The following WWOX variants were observed in gnomAD, a reference collection of about 807,000 sequenced individuals.
The protein encoded by WWOX is WW domain-containing oxidoreductase.
Under a neutral mutation model 46.2 loss-of-function variants are expected in WWOX, and 69 were observed. That is an observed-to-expected ratio of 1.49 (90% confidence interval 1.23 to 1.82). The LOEUF is 1.82. Among genes scored for constraint, WWOX ranks in the 40% most tolerant of loss-of-function variants. The pLI is 0.00. For missense variants in WWOX, 919 were observed against 542.6 expected, an observed-to-expected ratio of 1.69 and a Z score of -6.89; for synonymous variants, 359 against 202.6, an observed-to-expected ratio of 1.77 and a Z score of -6.56.
At chr16:78,368,681 C>T (rs374051694) in intron 5 of WWOX, among the ~76,000 whole-genome samples, 53 of 152,104 alleles carry the variant, frequency 3.5e-4, no homozygotes, top group African/African-American at 1.2e-3. Flanking sequence ...AAGGTGGTGT[C>T]CCCTCCCTTC....
intron 8 of WWOX, among the ~76,000 whole-genome samples, chr16:78,863,555 G>A (rs2043938860): frequency 6.6e-6 from 1 of 152,120 alleles, no homozygotes; most frequent in Admixed American, 6.6e-5. Context: ...TGATCTTTCG[G>A]CATTGTGGCT....
chr16:78,476,032 C>T (rs1026518707), intron 8 of WWOX, among the ~76,000 whole-genome samples: 2 of 152,158 alleles, frequency 1.3e-5, no homozygotes, highest in African/African-American at 4.8e-5. Context: ...CTCATGCTTC[C>T]TCTGTAAAAT....
chr16:78,725,822 T>A (rs1441701550), intron 8 of WWOX, among the ~76,000 whole-genome samples: 1 of 152,094 alleles, frequency 6.6e-6, no homozygotes, highest in Non-Finnish European at 1.5e-5. Context: ...CGGGCGGTGC[T>A]TGGTGTTCCT....
intron 8 of WWOX, among the ~76,000 whole-genome samples, chr16:78,438,796 G>A (rs1043699649): frequency 6.6e-6 from 1 of 152,140 alleles, no homozygotes; most frequent in African/African-American, 2.4e-5. Context: ...GAGTTTTAAC[G>A]GATGTGCAGC....
At chr16:78,906,346 C>T (rs1054338223) in intron 8 of WWOX, among the ~76,000 whole-genome samples, 10 of 152,124 alleles carry the variant, frequency 6.6e-5, no homozygotes, top group African/African-American at 2.2e-4. Context: ...AAAGAAAGCC[C>T]GGCTGGAAGT....
chr16:78,926,546 C>A (rs962934223), intron 8 of WWOX, among the ~76,000 whole-genome samples: 2 of 152,140 alleles, frequency 1.3e-5, no homozygotes, highest in Non-Finnish European at 2.9e-5. Flanking sequence ...AACTTGTTTT[C>A]AGTCATTTTG....
chr16:78,920,445 C>A (rs1177969349), intron 8 of WWOX, among the ~76,000 whole-genome samples: 1 of 152,186 alleles, frequency 6.6e-6, no homozygotes, highest in Non-Finnish European at 1.5e-5. Context: ...ACCTATGGTT[C>A]TTTGGACCTG....
chr16:78,635,514 T>G (rs554741512), intron 8 of WWOX, among the ~76,000 whole-genome samples: 4 of 152,282 alleles, frequency 2.6e-5, no homozygotes, highest in Admixed American at 2.0e-4. Context: ...GCTGGGCCAC[T>G]TACTTTCTGG....
At chr16:79,138,167 C>G (rs1216177443) in intron 8 of WWOX, among the ~76,000 whole-genome samples, 2 of 152,104 alleles carry the variant, frequency 1.3e-5, no homozygotes, top group South Asian at 2.1e-4. Flanking sequence ...GGTCCTTGAT[C>G]ATTTTTCTTG....
chr16:78,732,840 G>T (rs2048999023), intron 8 of WWOX, among the ~76,000 whole-genome samples: 1 of 152,178 alleles, frequency 6.6e-6, no homozygotes, highest in Non-Finnish European at 1.5e-5. Context: ...CTCTTAGGCA[G>T]GGCTTAGGAA....
chr16:78,827,942 G>A (rs1001750492), intron 8 of WWOX, among the ~76,000 whole-genome samples: 6 of 152,178 alleles, frequency 3.9e-5, no homozygotes, highest in African/African-American at 1.4e-4. Context: ...AGAGTAAGGG[G>A]GCTAAGCTGG....
intron 8 of WWOX, among the ~76,000 whole-genome samples, chr16:78,868,630 A>C (rs909281262): frequency 1.3e-5 from 2 of 152,208 alleles, no homozygotes; most frequent in African/African-American, 2.4e-5. Flanking sequence ...CATTCTGTAT[A>C]ATTAGACAAA....
At chr16:78,523,787 G>A (rs2043399376) in intron 8 of WWOX, among the ~76,000 whole-genome samples, 1 of 152,138 alleles carries the variant, frequency 6.6e-6, no homozygotes, top group South Asian at 2.1e-4. Flanking sequence ...TGACCCTGGG[G>A]GCCTCTGGAA....
At chr16:78,565,849 C>G (rs528298940) in intron 8 of WWOX, among the ~76,000 whole-genome samples, 1 of 151,898 alleles carries the variant, frequency 6.6e-6, no homozygotes, top group East Asian at 1.9e-4. Context: ...GCTGTCCCAG[C>G]TCCATCTCTC....
intron 4 of WWOX, among the ~76,000 whole-genome samples, chr16:78,127,588 T>TG (rs1165930007): frequency 6.6e-6 from 1 of 150,754 alleles, no homozygotes; most frequent in East Asian, 2.0e-4. Context: ...ATATTAAACT[T>TG]GGGGGAAAAA....
chr16:78,235,858 G>C (rs2037420749), intron 5 of WWOX, among the ~76,000 whole-genome samples: 1 of 152,186 alleles, frequency 6.6e-6, no homozygotes, highest in Non-Finnish European at 1.5e-5. Flanking sequence ...CCTGTGAGTG[G>C]GCTGGTTTCC....
intron 4 of WWOX, among the ~76,000 whole-genome samples, chr16:78,146,310 T>C (rs2034196093): frequency 6.6e-6 from 1 of 152,182 alleles, no homozygotes; most frequent in African/African-American, 2.4e-5. Context: ...TTTCTCTCTC[T>C]GTTTCTCTTT....
At chr16:78,974,143 A>G (rs1004700153) in intron 8 of WWOX, among the ~76,000 whole-genome samples, 4 of 152,252 alleles carry the variant, frequency 2.6e-5, no homozygotes, top group African/African-American at 4.8e-5. Flanking sequence ...TGATTTCACA[A>G]ATCAAACAAT....
chr16:78,963,033 G>C (rs143059030), intron 8 of WWOX, among the ~76,000 whole-genome samples: 11 of 152,200 alleles, frequency 7.2e-5, no homozygotes, highest in African/African-American at 2.6e-4. Context: ...AATTGCAGAC[G>C]TACACAAAAG....
Sources: gnomAD v4.1 joint callset for allele counts (sites outside exome capture counted in the v4.1 genomes callset) on GRCh38, gnomAD v4.1.1 for gene constraint, MANE v1.5 for transcripts, NCBI Gene and HGNC (gene_info 2026-07-23, HGNC 2026-07-21) for gene names.